Variants in SIL1 observed in about 807,000 individuals in gnomAD.
SIL1 encodes the protein SIL1 nucleotide exchange factor.
Under a neutral mutation model 49.1 loss-of-function variants are expected in SIL1, and 40 were observed. The observed-to-expected ratio is 0.81, with a 90% CI of 0.63 to 1.06. SIL1 has a LOEUF of 1.06. Among genes scored for constraint, SIL1 ranks in the 50% least tolerant of loss-of-function variants. SIL1 has a pLI of 0.00. For synonymous variants in SIL1, 253 were observed against 250.8 expected (o/e 1.01, Z -0.08); for missense variants, 500 against 572.6 (o/e 0.87, Z 1.29).
intron 3 of SIL1, among the ~76,000 whole-genome samples, chr5:139,056,243 C>T (rs10077983): frequency 0.38 from 54,415 of 143,444 alleles, 8,995 homozygotes; most frequent in African/African-American, 0.52. Context: ...TCTTCCCGGC[C>T]GCCATCCCAT....
chr5:139,190,598 T>C (rs1752150259), intron 1 of SIL1, among the ~76,000 whole-genome samples: 2 of 152,330 alleles, frequency 1.3e-5, no homozygotes, highest in East Asian at 1.9e-4. Context: ...CCCACTATTA[T>C]GTGGGTGGCC....
intron 1 of SIL1, among the ~76,000 whole-genome samples, chr5:139,196,159 C>T (rs145550002): frequency 3.3e-5 from 5 of 152,146 alleles, no homozygotes; most frequent in Admixed American, 6.5e-5. Context: ...CACTGCACTC[C>T]GGCCTGAACC....
At chr5:139,055,622 C>CT (rs1769390923) in intron 3 of SIL1, among the ~76,000 whole-genome samples, 4 of 100,162 alleles carry the variant, frequency 4.0e-5, no homozygotes, top group African/African-American at 9.7e-5. Flanking sequence ...CCCTCTCCCC[C>CT]TCTCCCCCTC....
intron 3 of SIL1, among the ~76,000 whole-genome samples, chr5:139,081,736 A>T (rs898016612): frequency 6.6e-6 from 1 of 152,060 alleles, no homozygotes; most frequent in Non-Finnish European, 1.5e-5. Context: ...AAAATTGGCC[A>T]GGCACGGTGG....
intron 3 of SIL1, among the ~76,000 whole-genome samples, chr5:139,107,453 A>G (rs777008757): frequency 5.9e-5 from 9 of 152,234 alleles, no homozygotes; most frequent in Non-Finnish European, 1.0e-4. Flanking sequence ...TTTTCCTGCT[A>G]TTAACGTCTT....
At chr5:138,958,212 AG>A (rs1766942487) in intron 7 of SIL1, among the ~76,000 whole-genome samples, 1 of 152,240 alleles carries the variant, frequency 6.6e-6, no homozygotes. Flanking sequence ...TGAAAAGTGC[AG>A]GCCAGTGGTA....
intron 3 of SIL1, among the ~76,000 whole-genome samples, chr5:139,092,975 C>T (rs10479199): frequency 0.11 from 17,203 of 152,080 alleles, 1,107 homozygotes; most frequent in African/African-American, 0.15. Context: ...GGTAAGTTTT[C>T]GCAAGAGTAG....
At position 139,168,473 on chromosome 5, in the gene SIL1, C is replaced by T. The variant is rs544719436; in HGVS notation, c.-11+29796G>A. ...CAAAAAGAACACTGTCTTCCAAATA[C>T]TGGGGATCTGTGCTGATTCTGATTG... On this transcript the variant is annotated intron_variant, in intron 1 of 9. Coordinates refer to ENST00000394817, the MANE Select transcript of SIL1 (RefSeq NM_022464.5). Among the ~76,000 whole-genome samples, 5 of 152,304 alleles carry T rather than the reference C, an allele frequency of 3.3e-5. No homozygotes were observed. The East Asian group carries it at 5.8e-4, about 18-fold the overall frequency.
At chr5:139,180,549 C>A (rs1751965446) in intron 1 of SIL1, among the ~76,000 whole-genome samples, 1 of 152,034 alleles carries the variant, frequency 6.6e-6, no homozygotes, top group Non-Finnish European at 1.5e-5. Flanking sequence ...CTGGTAAGCT[C>A]TCTGGCAAAG....
chr5:139,019,081 C>T (rs1039527867), intron 7 of SIL1, among the ~76,000 whole-genome samples: 1 of 152,148 alleles, frequency 6.6e-6, no homozygotes, highest in Non-Finnish European at 1.5e-5. Context: ...AGATACTATC[C>T]CCAGTGCTAG....
intron 3 of SIL1, among the ~76,000 whole-genome samples, chr5:139,055,780 C>G (rs10045209): frequency 6.7e-6 from 1 of 148,422 alleles, no homozygotes. Flanking sequence ...GCCTGATTCT[C>G]CTGCCTCAGC....
At chr5:138,981,145 G>A (rs759966732) in intron 7 of SIL1, among the ~76,000 whole-genome samples, 11 of 151,408 alleles carry the variant, frequency 7.3e-5, no homozygotes, top group East Asian at 1.9e-4. Flanking sequence ...CCCAGGTGGC[G>A]GAGGTTGCAG....
At chr5:139,007,721 T>G (rs1321968661) in intron 7 of SIL1, among the ~76,000 whole-genome samples, 1 of 138,258 alleles carries the variant, frequency 7.2e-6, no homozygotes, top group Non-Finnish European at 1.5e-5. Flanking sequence ...GAGATAATCA[T>G]GTGGTTTTTG....
At chr5:139,076,397 CATAA>C (rs771895898) in intron 3 of SIL1, among the ~76,000 whole-genome samples, 14 of 152,068 alleles carry the variant, frequency 9.2e-5, no homozygotes, top group Non-Finnish European at 1.9e-4. Flanking sequence ...AAAACAAGAC[CATAA>C]ATAAACAAAT....
At chr5:139,113,290 C>T (rs960319667) in intron 3 of SIL1, among the ~76,000 whole-genome samples, 1 of 150,084 alleles carries the variant, frequency 6.7e-6, no homozygotes, top group African/African-American at 2.5e-5. Flanking sequence ...CAAGAATGAT[C>T]AATAAAAAAT....
At chr5:139,178,148 G>C (rs1309345476) in intron 1 of SIL1, among the ~76,000 whole-genome samples, 1 of 152,210 alleles carries the variant, frequency 6.6e-6, no homozygotes, top group Non-Finnish European at 1.5e-5. Context: ...TGTCTGCTGA[G>C]TGGCCAGGTG....
At chr5:139,061,603 T>G (rs1419146624) in intron 3 of SIL1, among the ~76,000 whole-genome samples, 6 of 152,240 alleles carry the variant, frequency 3.9e-5, no homozygotes, top group Admixed American at 6.5e-5. Context: ...ATTTATCGTG[T>G]CTGTTTTCCC....
At chr5:139,142,365 TAATATAC>T (rs1032761042) in intron 1 of SIL1, among the ~76,000 whole-genome samples, 11 of 152,224 alleles carry the variant, frequency 7.2e-5, no homozygotes, top group African/African-American at 2.4e-4. Context: ...ATATCTCTTA[TAATATAC>T]ATGCAAAAAA....
chr5:139,169,722 C>T (rs981838200), intron 1 of SIL1, among the ~76,000 whole-genome samples: 1 of 152,030 alleles, frequency 6.6e-6, no homozygotes, highest in African/African-American at 2.4e-5. Flanking sequence ...ACCTCATGAT[C>T]CACCCACCTT....
Sources: gnomAD v4.1 joint callset for allele counts (sites outside exome capture counted in the v4.1 genomes callset) on GRCh38, gnomAD v4.1.1 for gene constraint, MANE v1.5 for transcripts, NCBI Gene and HGNC (gene_info 2026-07-23, HGNC 2026-07-21) for gene names.